Variants in SH2D4A observed in about 807,000 individuals in gnomAD.
SH2D4A encodes the protein SH2 domain-containing protein 4A.
Under a neutral mutation model 64.7 loss-of-function variants are expected in SH2D4A, and 70 were observed. That is an observed-to-expected ratio of 1.08 (90% CI 0.89 to 1.32). The LOEUF (loss-of-function observed/expected upper bound fraction) is 1.32. Ranked by LOEUF, SH2D4A falls within the 40% of genes most tolerant of loss-of-function variation. The pLI is 0.00. For missense variants in SH2D4A, 706 were observed against 540.1 expected, an observed-to-expected ratio of 1.31 and a Z score of -3.04; for synonymous variants, 268 against 200.7, an observed-to-expected ratio of 1.34 and a Z score of -2.83.
intron 2 of SH2D4A, among the ~76,000 whole-genome samples, chr8:19,330,232 A>G (rs1260811203): frequency 1.3e-5 from 2 of 152,172 alleles, no homozygotes; most frequent in African/African-American, 2.4e-5. Context: ...CACTCATTAT[A>G]CTAGAACAAC....
Position 19,395,305 on chromosome 8 carries a change from G to GAT in SH2D4A, c.*667_*668dup, listed in dbSNP as rs2053570467. 1 of 152,216 alleles carries GAT rather than the reference G, an allele frequency of 6.6e-6. No individual in the cohort carries two copies. Among genetic ancestry groups the GAT allele is most frequent in the Admixed American group, 6.5e-5 (1 of 15,282 alleles). 9.4% of individuals were successfully genotyped at this position (152,216 alleles called of 1,614,324 possible). On this transcript the variant is annotated 3_prime_UTR_variant, in exon 10 of 10. Coordinates refer to ENST00000265807, the MANE Select transcript of SH2D4A (RefSeq NM_022071.4). ...GCCGGGGCTGGCCTGGCCTCCCCTG[G>GAT]ATATACTCTATAGTGCACCAAAAGG...
At chr8:19,314,324 G>C (rs926688358) in intron 1 of SH2D4A, among the ~76,000 whole-genome samples, 1 of 152,134 alleles carries the variant, frequency 6.6e-6, no homozygotes, top group African/African-American at 2.4e-5. Context: ...GGAAGTCCCG[G>C]GAAACGGTGG....
At chr8:19,362,825 G>A (rs1359524070) in intron 6 of SH2D4A, among the ~76,000 whole-genome samples, 1 of 151,988 alleles carries the variant, frequency 6.6e-6, no homozygotes, top group African/African-American at 2.4e-5. Flanking sequence ...AAAATAATGG[G>A]TTGCATACAT....
intron 8 of SH2D4A, among the ~76,000 whole-genome samples, chr8:19,378,506 G>A (rs997727277): frequency 1.3e-5 from 2 of 152,120 alleles, no homozygotes; most frequent in Non-Finnish European, 2.9e-5. Flanking sequence ...CACGATCTTG[G>A]CATACTACAA....
intron 2 of SH2D4A, among the ~76,000 whole-genome samples, chr8:19,324,590 C>G (rs1292290976): frequency 1.3e-5 from 2 of 152,160 alleles, no homozygotes; most frequent in Non-Finnish European, 2.9e-5. Context: ...TGGTGTCTCT[C>G]TCTTGGAGTT....
chr8:19,373,459 T>TAC, intron 7 of SH2D4A, 71 bp from the exon 8 acceptor site: 3 of 1,000,840 alleles, frequency 3.0e-6, no homozygotes, highest in Non-Finnish European at 4.2e-6. Flanking sequence ...TATATATATA[T>TAC]ATATATGACT....
intron 4 of SH2D4A, among the ~76,000 whole-genome samples, chr8:19,349,696 A>G (rs10089477): frequency 0.034 from 5,193 of 152,340 alleles, 312 homozygotes; most frequent in African/African-American, 0.12. Flanking sequence ...ATGAAATAAT[A>G]TACATAAAAG....
chr8:19,322,218 C>T (rs956189425), intron 2 of SH2D4A, among the ~76,000 whole-genome samples: 5 of 152,316 alleles, frequency 3.3e-5, no homozygotes, highest in Admixed American at 2.0e-4. Flanking sequence ...CAAAGCAATG[C>T]TGTCATGGCT....
In SH2D4A at chr8:19,332,941, GTGTT is replaced by G. The variant is rs758715511; in HGVS notation, c.182-7_182-4del. On this transcript the variant is annotated splice_polypyrimidine_tract_variant and intron_variant, in intron 2 of 9. Coordinates refer to ENST00000265807, the MANE Select transcript of SH2D4A (RefSeq NM_022071.4). ...TGTTCAATCTGAATTTTTTGTTTGT[GTGTT>G]TGTTTGCAGAGAATGGCAAATCGGT... The G allele has an allele frequency of 1.0e-5, 16 of 1,605,370 alleles. No individual in the cohort carries two copies. The highest frequency in any genetic ancestry group is 1.4e-5 in the Non-Finnish European group (16 of 1,177,878).
At chr8:19,319,187 C>T (rs1468287681) in intron 1 of SH2D4A, among the ~76,000 whole-genome samples, 157 bp from the exon 2 acceptor site, 1 of 151,658 alleles carries the variant, frequency 6.6e-6, no homozygotes, top group Non-Finnish European at 1.5e-5. Context: ...GTTATACAAA[C>T]TCTTAACAAA....
At chr8:19,333,377 A>G (rs1483777270) in intron 3 of SH2D4A, among the ~76,000 whole-genome samples, 2 of 152,178 alleles carry the variant, frequency 1.3e-5, no homozygotes, top group Non-Finnish European at 2.9e-5. Flanking sequence ...AGTGCTGTCA[A>G]ATCAGCTGCT....
intron 8 of SH2D4A, among the ~76,000 whole-genome samples, chr8:19,381,631 T>C (rs569337995): frequency 8.5e-5 from 13 of 152,228 alleles, no homozygotes; most frequent in Non-Finnish European, 1.2e-4. Context: ...CTTTTCTAAT[T>C]TGAATACCTT....
Position 19,395,254 on chromosome 8 carries a change from TTTG to T in SH2D4A, c.*615_*617del, listed in dbSNP as rs1253178144. 3 of 152,132 alleles carry T rather than the reference TTTG, an allele frequency of 2.0e-5. No individual in the cohort carries two copies. Among genetic ancestry groups the T allele is most frequent in the Non-Finnish European group, 4.4e-5 (3 of 68,052 alleles). The allele number at this position is 152,132 out of a possible 1,614,324, so 9.4% of individuals were successfully genotyped here. ...AGGAAAGTGAGCAAACATCGCTGAG[TTTG>T]TTTTCTTGTTCGGGAGAATGGGGCC... On this transcript the variant is annotated 3_prime_UTR_variant, in exon 10 of 10. Coordinates refer to ENST00000265807, the MANE Select transcript of SH2D4A (RefSeq NM_022071.4).
intron 8 of SH2D4A, among the ~76,000 whole-genome samples, chr8:19,389,397 A>ACCCTATT: frequency 6.6e-6 from 1 of 152,310 alleles, no homozygotes; most frequent in East Asian, 1.9e-4. Flanking sequence ...ATCAAAATGA[A>ACCCTATT]TCACAAGCCC....
In SH2D4A at chr8:19,366,562, C is replaced by T. The variant is rs1001787536; in HGVS notation, c.917+2280C>T. Among the ~76,000 whole-genome samples, 8 of 152,062 alleles carry T rather than the reference C, an allele frequency of 5.3e-5. No homozygotes were observed. The East Asian group carries it at 1.2e-3, about 22-fold the overall frequency. ...CTGCAATCCCAGCACTTTGAGAGGC[C>T]GAGGTGGGTGGATCATGAGGTCAGG... On this transcript the variant is annotated intron_variant, in intron 7 of 9. Transcript: ENST00000265807.
At chr8:19,386,930 C>T (rs1281293410) in intron 8 of SH2D4A, among the ~76,000 whole-genome samples, 2 of 152,192 alleles carry the variant, frequency 1.3e-5, no homozygotes, top group African/African-American at 4.8e-5. Flanking sequence ...CAGGTGTATA[C>T]CACCACACCC....
intron 8 of SH2D4A, among the ~76,000 whole-genome samples, chr8:19,377,708 G>A (rs1209217413): frequency 2.6e-5 from 4 of 151,820 alleles, no homozygotes; most frequent in South Asian, 4.2e-4. Flanking sequence ...TATTACACAC[G>A]TATCATTATT....
At chr8:19,325,381 A>G (rs990847974) in intron 2 of SH2D4A, among the ~76,000 whole-genome samples, 1 of 152,220 alleles carries the variant, frequency 6.6e-6, no homozygotes, top group African/African-American at 2.4e-5. Context: ...GTTACAAATA[A>G]GGAAACATAC....
At chr8:19,383,161 C>T (rs925261728) in intron 8 of SH2D4A, among the ~76,000 whole-genome samples, 4 of 152,068 alleles carry the variant, frequency 2.6e-5, no homozygotes, top group Non-Finnish European at 4.4e-5. Context: ...CCCCCTTCTC[C>T]TTCTGATAGT....
Sources: gnomAD v4.1 joint callset for allele counts (sites outside exome capture counted in the v4.1 genomes callset) on GRCh38, gnomAD v4.1.1 for gene constraint, MANE v1.5 for transcripts, NCBI Gene and HGNC (gene_info 2026-07-23, HGNC 2026-07-21) for gene names.